Variants in ESRRG observed in about 807,000 individuals in gnomAD.
ESRRG encodes estrogen-related receptor gamma.
ESRRG carries 13 observed loss-of-function variants against 44.0 expected under a neutral mutation model. The ratio of observed to expected loss-of-function variants is 0.30; its 90% CI spans 0.19 to 0.47. The LOEUF (loss-of-function observed/expected upper bound fraction) is 0.47, where lower values mean the gene tolerates loss of function less well. Ranked by LOEUF, ESRRG falls within the 20% of genes least tolerant of loss-of-function variation. The probability of loss-of-function intolerance (pLI) is 1.00; values close to 1 mark genes in which losing one functional copy is unlikely to be tolerated. For synonymous variants in ESRRG, 215 were observed against 214.6 expected, an observed-to-expected ratio of 1.00 and a Z score of -0.02; for missense variants, 395 against 580.6, an observed-to-expected ratio of 0.68 and a Z score of 3.29.
chr1:216,814,823 C>T (rs1226844072), intron 2 of ESRRG, among the ~76,000 whole-genome samples: 1 of 152,164 alleles, frequency 6.6e-6, no homozygotes, highest in Non-Finnish European at 1.5e-5. Flanking sequence ...ATTGTCAAAA[C>T]TTGCCAATTT....
At chr1:217,097,237 T>A (rs1340590139) in intron 1 of ESRRG, among the ~76,000 whole-genome samples, 1 of 151,980 alleles carries the variant, frequency 6.6e-6, no homozygotes, top group African/African-American at 2.4e-5. Context: ...CCCATGAGGA[T>A]GAGGCTGCAG....
intron 3 of ESRRG, among the ~76,000 whole-genome samples, chr1:216,639,587 C>T (rs1393165812): frequency 1.3e-5 from 2 of 152,130 alleles, no homozygotes; most frequent in Non-Finnish European, 2.9e-5. Flanking sequence ...ATGTAAATTA[C>T]CTCATTTTTA....
At chr1:217,137,457 C>T (rs983877577) in intron 1 of ESRRG, among the ~76,000 whole-genome samples, 1 of 152,252 alleles carries the variant, frequency 6.6e-6, no homozygotes, top group East Asian at 1.9e-4. Flanking sequence ...GCGCGCGTCT[C>T]CCTTTCCAGC....
chr1:216,669,065 T>A (rs965249296), intron 2 of ESRRG, among the ~76,000 whole-genome samples: 1 of 151,798 alleles, frequency 6.6e-6, no homozygotes, highest in Non-Finnish European at 1.5e-5. Flanking sequence ...TTGAATGCCC[T>A]CAAGCTCAGA....
At position 216,769,682 on chromosome 1, in the gene ESRRG, C is replaced by T. The variant is rs1271001705; in HGVS notation, c.-13-92191G>A. ...AATTCTCTTCTATTAGAGGTAGGCA[C>T]ACTAGCCATAGGGATATGGCAAGAT... On this transcript the variant is annotated intron_variant, in intron 2 of 7. Transcript: ENST00000359162. Among the ~76,000 whole-genome samples, 4 of 152,140 alleles carry T rather than the reference C, an allele frequency of 2.6e-5. No individual in the cohort carries two copies. The East Asian group carries it at 7.8e-4, about 30-fold the overall frequency.
chr1:216,664,692 G>GA (rs71163758), intron 2 of ESRRG, among the ~76,000 whole-genome samples: 6,731 of 133,686 alleles, frequency 0.05, 209 homozygotes, highest in African/African-American at 0.11. Context: ...TGCTACTGAA[G>GA]AAAAAAAAAA....
intron 1 of ESRRG, among the ~76,000 whole-genome samples, chr1:216,721,076 C>T (rs1032228571): frequency 4.6e-5 from 7 of 152,192 alleles, no homozygotes; most frequent in African/African-American, 1.4e-4. Context: ...TCTATTTATG[C>T]TATCAGCTAT....
At chr1:216,755,896 G>T (rs1055477754) in intron 2 of ESRRG, among the ~76,000 whole-genome samples, 1 of 152,002 alleles carries the variant, frequency 6.6e-6, no homozygotes, top group African/African-American at 2.4e-5. Flanking sequence ...CTTTCCTCCT[G>T]GATGAGGGGT....
intron 6 of ESRRG, among the ~76,000 whole-genome samples, chr1:216,508,996 G>A (rs1225960973): frequency 7.2e-5 from 11 of 152,070 alleles, no homozygotes; most frequent in African/African-American, 1.4e-4. Context: ...CAAAACAAAC[G>A]AAATAACTAT....
chr1:216,639,280 G>C (rs1209273151), intron 3 of ESRRG, among the ~76,000 whole-genome samples: 1 of 152,118 alleles, frequency 6.6e-6, no homozygotes, highest in African/African-American at 2.4e-5. Context: ...TCCCAAAAAA[G>C]AACAAACTTA....
chr1:216,896,582 A>G (rs544700112), intron 2 of ESRRG, among the ~76,000 whole-genome samples: 1 of 152,196 alleles, frequency 6.6e-6, no homozygotes, highest in Non-Finnish European at 1.5e-5. Context: ...TATTCTTTAA[A>G]TCGCTGAAGC....
At chr1:217,107,222 G>A (rs1022264654) in intron 1 of ESRRG, among the ~76,000 whole-genome samples, 1 of 152,168 alleles carries the variant, frequency 6.6e-6, no homozygotes, top group Admixed American at 6.6e-5. Flanking sequence ...GCAAATAAGA[G>A]TACGTCAAAT....
chr1:216,928,425 C>T lies in ESRRG; in HGVS notation c.-14+11157G>A, dbSNP rs189751504. Among the ~76,000 whole-genome samples the T allele has an allele frequency of 5.9e-5, 9 of 152,282 alleles. No individual in the cohort carries two copies. The East Asian group carries it at 1.7e-3, about 29-fold the overall frequency. ...TCTCAACCCCACTTCTCAATATTTACTATCATTAAGAAACTCACAGCATCC... is the reference window on the plus strand; with the variant it reads ...TCTCAACCCCACTTCTCAATATTTATTATCATTAAGAAACTCACAGCATCC... On this transcript the variant is annotated intron_variant, in intron 2 of 7. Transcript: ENST00000359162.
intron 2 of ESRRG, among the ~76,000 whole-genome samples, chr1:216,818,732 A>G (rs1234631972): frequency 6.6e-6 from 1 of 152,066 alleles, no homozygotes; most frequent in Non-Finnish European, 1.5e-5. Flanking sequence ...AAGCCCAGCA[A>G]CTATTAGCTA....
At chr1:216,853,557 A>T (rs1388623545) in intron 2 of ESRRG, among the ~76,000 whole-genome samples, 1 of 152,124 alleles carries the variant, frequency 6.6e-6, no homozygotes. Flanking sequence ...TTATTCATGC[A>T]GCCCCAGAAC....
Position 217,106,033 on chromosome 1 carries a change from A to G in ESRRG, c.-230+31634T>C, listed in dbSNP as rs185843768. Among the ~76,000 whole-genome samples the G allele has an allele frequency of 1.3e-4, 20 of 152,348 alleles. No individual in the cohort carries two copies. The East Asian group carries it at 1.9e-3, about 15-fold the overall frequency. On this transcript the variant is annotated intron_variant, in intron 1 of 8. Coordinates refer to the ESRRG transcript ENST00000366940. ...TCAGTTGTTTGTATAGAAGTTAAACATTAATGCAACATCCCAAAATTGGCA... is the reference window on the plus strand; with the variant it reads ...TCAGTTGTTTGTATAGAAGTTAAACGTTAATGCAACATCCCAAAATTGGCA...
intron 3 of ESRRG, among the ~76,000 whole-genome samples, chr1:216,568,906 T>C (rs1004341355): frequency 6.6e-6 from 1 of 151,840 alleles, no homozygotes; most frequent in Non-Finnish European, 1.5e-5. Context: ...AATACAAAAT[T>C]AGCCAGGCGT....
chr1:216,821,504 A>G (rs2095286758), intron 2 of ESRRG, among the ~76,000 whole-genome samples: 1 of 151,516 alleles, frequency 6.6e-6, no homozygotes, highest in South Asian at 2.1e-4. Context: ...TTGGCAACAT[A>G]GTGAGACCCT....
At chr1:217,034,975 G>A (rs1295390423) in intron 1 of ESRRG, among the ~76,000 whole-genome samples, 5 of 152,040 alleles carry the variant, frequency 3.3e-5, no homozygotes, top group African/African-American at 9.7e-5. Flanking sequence ...TTTTAACAAG[G>A]CTTTAAAAAA....
Sources: gnomAD v4.1 joint callset for allele counts (sites outside exome capture counted in the v4.1 genomes callset) on GRCh38, gnomAD v4.1.1 for gene constraint, MANE v1.5 for transcripts, NCBI Gene and HGNC (gene_info 2026-07-23, HGNC 2026-07-21) for gene names.